EXOC5: variants seen among roughly 807,000 people sequenced by gnomAD.
EXOC5 encodes exocyst complex component 5.
In EXOC5, 17 loss-of-function variants were observed where a neutral mutation model predicts 90.8. The observed-to-expected ratio is 0.19, with a 90% confidence interval of 0.13 to 0.28. The LOEUF (loss-of-function observed/expected upper bound fraction) is 0.28, where lower values mean the gene tolerates loss of function less well. Ranked by LOEUF, EXOC5 falls within the 10% of genes least tolerant of loss-of-function variation. EXOC5 has a pLI of 1.00. For synonymous variants in EXOC5, 260 were observed against 270.0 expected (o/e 0.96, Z 0.36); for missense variants, 569 against 830.6 (o/e 0.69, Z 3.87).
chr14:57,235,647 T>C, intron 7 of EXOC5, 64 bp downstream of exon 7: 1 of 804,132 alleles, frequency 1.2e-6, no homozygotes, highest in Non-Finnish European at 2.1e-6. Flanking sequence ...GAGACTATAA[T>C]ATATAGAACT....
At position 57,206,060 on chromosome 14, in the gene EXOC5, T is replaced by C. The variant is rs1434684156; in HGVS notation, c.*2549A>G. 4.5e-6 allele frequency: 2 copies of C among 446,474 alleles called. No homozygotes were observed. The highest frequency in any genetic ancestry group is 2.0e-5 in the African/African-American group (1 of 49,308). 27.7% of individuals were successfully genotyped at this position (446,474 alleles called of 1,614,324 possible). ...TCGTATTCTGTATTTCAGATATTTC[T>C]CAATTTTAGAAAAACAATGCACAGT... On this transcript the variant is annotated 3_prime_UTR_variant, in exon 18 of 18. Coordinates refer to ENST00000621441, the MANE Select transcript of EXOC5 (RefSeq NM_006544.4).
Position 57,206,856 on chromosome 14 carries a change from T to C in EXOC5, c.*1753A>G, listed in dbSNP as rs1882672482. ...TTTATTTGAGATTTTTTTTCGTTTT[T>C]TCTTTTTTACAAATTGACACTGTAC... is the stretch of plus-strand genomic sequence containing the variant. On this transcript the variant is annotated 3_prime_UTR_variant, in exon 18 of 18. Transcript: ENST00000621441. 6.6e-6 allele frequency: 1 copy of C among 152,494 alleles called. No homozygotes were observed. Among genetic ancestry groups the C allele is most frequent in the Non-Finnish European group, 1.5e-5 (1 of 67,946 alleles). The allele number at this position is 152,494 out of a possible 1,614,324, so 9.4% of individuals were successfully genotyped here.
Position 57,209,756 on chromosome 14 carries a change from T to C in EXOC5, c.1749A>G (p.Val583=), listed in dbSNP as rs774447246. 1 of 1,611,564 alleles carries C rather than the reference T, an allele frequency of 6.2e-7. No homozygotes were observed. Among genetic ancestry groups the C allele is most frequent in the South Asian group, 1.1e-5 (1 of 90,702 alleles). ...TNACVKVCAY[V]RKQVEKIKNS... ...TTTTAATCTTCTCCACTTGTTTTCTTACGTAAGCACAGACTTTTACACAGG... is the reference window on the plus strand; with the variant it reads ...TTTTAATCTTCTCCACTTGTTTTCTCACGTAAGCACAGACTTTTACACAGG... Residue 583 remains valine, a synonymous_variant, in exon 17 of 18, where the codon GTA becomes GTG. Coordinates refer to ENST00000621441, the MANE Select transcript of EXOC5 (RefSeq NM_006544.4).
chr14:57,204,415 A>G lies in EXOC5; in HGVS notation c.*4194T>C, dbSNP rs1242503451. ...CTTAACATGCAATTCTGATTACATG[A>G]AAATGACTATCTACTGTTAATATAC... On this transcript the variant is annotated 3_prime_UTR_variant, in exon 18 of 18. Coordinates refer to ENST00000621441, the MANE Select transcript of EXOC5 (RefSeq NM_006544.4). 6.6e-6 allele frequency: 1 copy of G among 152,162 alleles called. No homozygotes were observed. The highest frequency in any genetic ancestry group is 1.5e-5 in the Non-Finnish European group (1 of 67,982). 9.4% of individuals were successfully genotyped at this position (152,162 alleles called of 1,614,324 possible). A position where few individuals can be genotyped will look rare whatever the true frequency, so the allele number is the denominator to read the frequency against.
At chr14:57,212,854 T>C (rs1442273208) in intron 15 of EXOC5, among the ~76,000 whole-genome samples, 1 of 152,192 alleles carries the variant, frequency 6.6e-6, no homozygotes, top group African/African-American at 2.4e-5. Flanking sequence ...TACCATTAAG[T>C]AGCAATGTAT....
chr14:57,256,796 G>A (rs919846875), intron 1 of EXOC5, among the ~76,000 whole-genome samples: 1 of 152,140 alleles, frequency 6.6e-6, no homozygotes, highest in Non-Finnish European at 1.5e-5. Context: ...GGGAGTATAA[G>A]GGCCAGACCA....
chr14:57,239,842 AC>A (rs1433885771), intron 4 of EXOC5, among the ~76,000 whole-genome samples, 183 bp from the exon 5 acceptor site: 6 of 152,170 alleles, frequency 3.9e-5, no homozygotes, highest in African/African-American at 1.2e-4. Flanking sequence ...TTGGGGTGTT[AC>A]CAATAATGAG....
intron 15 of EXOC5, among the ~76,000 whole-genome samples, chr14:57,216,581 T>C (rs1282873645): frequency 6.6e-6 from 1 of 152,078 alleles, no homozygotes; most frequent in African/African-American, 2.4e-5. Flanking sequence ...AAACTGGATA[T>C]CTACACACAG....
chr14:57,220,586 A>G (rs1883099327), intron 13 of EXOC5, among the ~76,000 whole-genome samples: 1 of 152,068 alleles, frequency 6.6e-6, no homozygotes, highest in Non-Finnish European at 1.5e-5. Context: ...GATCGCTTGG[A>G]GCCAAGAGTT....
rs1039866055 is a variant in EXOC5, at chr14:57,235,495, T to C, written c.669+216A>G. On this transcript the variant is annotated intron_variant, in intron 7 of 17. Transcript: ENST00000621441. ...ATTTAATTGATCAATTAATTTTAAT[T>C]CAATATTAATATTATTGAATATAAA... 2.0e-5 allele frequency among the ~76,000 whole-genome samples: 3 copies of C among 151,826 alleles called. No homozygotes were observed. In the South Asian group the frequency reaches 6.2e-4, roughly 31 times the overall value.
rs35664900 is a variant in EXOC5 at position 57,232,673 on chromosome 14, T to C, written c.932A>G (p.Tyr311Cys). 5.9e-5 allele frequency: 83 copies of C among 1,403,580 alleles called. No homozygotes were observed. The highest frequency in any genetic ancestry group is 7.7e-5 in the Non-Finnish European group (78 of 1,014,346). The allele number at this position is 1,403,580 out of a possible 1,614,324, so 86.9% of individuals were successfully genotyped here. The change falls in exon 10 of 18, where the codon TAT becomes TGT. Residue 311 changes from tyrosine to cysteine, a missense_variant. Physicochemically the swap from Tyr to Cys is radical, Grantham distance 194. Around this residue, in one of 9 missense-constraint regions of EXOC5, gnomAD observed 114 missense variants for 111.2 expected, o/e 1.03. Coordinates refer to ENST00000621441, the MANE Select transcript of EXOC5 (RefSeq NM_006544.4). The part of the protein sequence containing the change: ...EQYLKNLYDL[Y>C]TRTTNLSSKL... ...CTAATCATTAAAAATTTACCTTGTATACAGATCATAGAGATTTTTGAGATA... is the reference window on the plus strand; with the variant it reads ...CTAATCATTAAAAATTTACCTTGTACACAGATCATAGAGATTTTTGAGATA...
At chr14:57,241,626 T>C (rs1883860335) in intron 4 of EXOC5, among the ~76,000 whole-genome samples, 1 of 152,208 alleles carries the variant, frequency 6.6e-6, no homozygotes, top group Admixed American at 6.5e-5. Context: ...ATAAAAATTG[T>C]GTAAAGCACA....
At chr14:57,241,258 C>T (rs1883849530) in intron 4 of EXOC5, among the ~76,000 whole-genome samples, 1 of 152,186 alleles carries the variant, frequency 6.6e-6, no homozygotes, top group East Asian at 1.9e-4. Flanking sequence ...GTGAATATAG[C>T]ATTTCTGCTT....
chr14:57,226,823 T>C (rs940948159), intron 12 of EXOC5, among the ~76,000 whole-genome samples: 3 of 152,210 alleles, frequency 2.0e-5, no homozygotes, highest in Non-Finnish European at 4.4e-5. Flanking sequence ...CTGTATAACT[T>C]AACTCAAAAT....
chr14:57,268,851 C>T lies in EXOC5; in HGVS notation c.-203G>A, dbSNP rs1224871357. The T allele has an allele frequency of 1.0e-5, 13 of 1,269,168 alleles. No individual in the cohort carries two copies. Among genetic ancestry groups the T allele is most frequent in the Middle Eastern group, 2.9e-4 (1 of 3,478 alleles). 78.6% of individuals were successfully genotyped at this position (1,269,168 alleles called of 1,614,324 possible). On this transcript the variant is annotated 5_prime_UTR_variant, in exon 1 of 18. Transcript: ENST00000621441. Reference sequence around the variant, plus strand: ...CCGCAAACGCTTGTCAGCTGCCTCCCGGCGCCGCCCGCGCTGCTCCCATTG... The same window carrying T: ...CCGCAAACGCTTGTCAGCTGCCTCCTGGCGCCGCCCGCGCTGCTCCCATTG...
At chr14:57,247,586 GA>G in intron 2 of EXOC5, 31 bp downstream of exon 2, 1 of 1,032,316 alleles carries the variant, frequency 9.7e-7, no homozygotes, top group Non-Finnish European at 1.5e-6. Context: ...TACCAGATTA[GA>G]TCTGTGGGGA....
At position 57,229,795 on chromosome 14, in the gene EXOC5, G is replaced by A. The variant is rs753630768; in HGVS notation, c.1235C>T (p.Ser412Phe). The change falls in exon 12 of 18, where the codon TCC (serine) becomes TTC (phenylalanine). Residue 412 changes from serine (S) to phenylalanine (F), a missense_variant. By Grantham distance (155) the Ser-to-Phe change is radical (BLOSUM62 -2). Transcript: ENST00000621441. ...TAAAAGATTAACCACCACTTCTTGG[G>A]ATAGAAAAGTCTCCCCATGAGTATC... ...SIDTHGETFL[S>F]QEVVVNLLQE... The A allele has an allele frequency of 1.3e-6, 2 of 1,528,620 alleles. No homozygotes were observed. The highest frequency in any genetic ancestry group is 1.3e-5 in the South Asian group (1 of 79,808). 94.7% of individuals were successfully genotyped at this position (1,528,620 alleles called of 1,614,324 possible).
intron 16 of EXOC5, 82 bp downstream of exon 16, chr14:57,209,870 TA>T: frequency 8.1e-7 from 1 of 1,241,674 alleles, no homozygotes; most frequent in East Asian, 2.5e-5. Flanking sequence ...TCTTTAAGTA[TA>T]AAAGAAAAAA....
intron 3 of EXOC5, 50 bp downstream of exon 3, chr14:57,246,661 A>AG (rs1468272903): frequency 6.8e-7 from 1 of 1,466,642 alleles, no homozygotes; most frequent in Non-Finnish European, 9.4e-7. Flanking sequence ...GGAAGAAAAT[A>AG]AAGATATTAT....
Sources: gnomAD v4.1 joint callset for allele counts (sites outside exome capture counted in the v4.1 genomes callset) on GRCh38, gnomAD v4.1.1 for gene constraint, gnomAD v4.1.1 regional missense constraint, MANE v1.5 for transcripts, NCBI Gene and HGNC (gene_info 2026-07-23, HGNC 2026-07-21) for gene names.